SALL1: variants seen among roughly 807,000 people sequenced by gnomAD.
The protein encoded by SALL1 is sal-like protein 1.
A neutral mutation model predicts 73.1 loss-of-function variants in SALL1; 10 were observed. The ratio of observed to expected loss-of-function variants is 0.14; its 90% CI spans 0.08 to 0.23. The LOEUF (loss-of-function observed/expected upper bound fraction) is 0.23, where lower values mean the gene tolerates loss of function less well. Ranked by LOEUF, SALL1 falls within the 10% of genes least tolerant of loss-of-function variation. The pLI is 1.00. For missense variants in SALL1, 1,520 were observed against 1,697.3 expected (o/e 0.90, Z 1.84); for synonymous variants, 688 against 689.8 (o/e 1.00, Z 0.04).
At chr16:51,143,058 T>A (rs1962468243) in intron 1 of SALL1, 1 of 155,908 alleles carries the variant, frequency 6.4e-6, no homozygotes, top group African/African-American at 2.4e-5. Context: ...TCAAGAAGGA[T>A]GTGCAGTTGA....
chr16:51,147,817 A>ACACACACACACACC (rs1962541875), intron 1 of SALL1, among the ~76,000 whole-genome samples: 1 of 152,012 alleles, frequency 6.6e-6, no homozygotes, highest in Non-Finnish European at 1.5e-5. Flanking sequence ...ACATGCACAC[A>ACACACACACACACC]TGCACTTACG....
rs760638036 is a variant in SALL1 at position 51,140,082 on chromosome 16, C to G, written c.2140G>C (p.Val714Leu). The G allele has an allele frequency of 6.2e-7, 1 of 1,614,230 alleles. No homozygotes were observed. Among genetic ancestry groups the G allele is most frequent in the Admixed American group, 1.7e-5 (1 of 60,030 alleles). ...DPNECIICHR[V>L]LSCQSALKMH... Reference sequence around the variant, plus strand: ...TTCAAGGCGCTCTGGCAGCTGAGAACCCGGTGGCAGATGATGCACTCATTG... The same window carrying G: ...TTCAAGGCGCTCTGGCAGCTGAGAAGCCGGTGGCAGATGATGCACTCATTG... The change falls in exon 2 of 3, where the codon GTT becomes CTT. Residue 714 changes from valine to leucine, a missense_variant. Physicochemically the swap from Val to Leu is conservative, Grantham distance 32 (BLOSUM62 1). This residue lies in a region of SALL1 where 77 missense variants were observed against 117.2 expected (regional missense o/e 0.66). Coordinates refer to ENST00000251020, the MANE Select transcript of SALL1 (RefSeq NM_002968.3). The surrounding 1 kb of genome is among the most constrained non-coding windows in gnomAD (Gnocchi z 5.7).
At position 51,141,169 on chromosome 16, in the gene SALL1, C is replaced by G; in HGVS notation, c.1053G>C (p.Pro351=). 1 of 1,614,164 alleles carries G rather than the reference C, an allele frequency of 6.2e-7. No homozygotes were observed. Among genetic ancestry groups the G allele is most frequent in the Non-Finnish European group, 8.5e-7 (1 of 1,180,034 alleles). ...CACTTGAAGCCACTTTTTCAGAGGACGGGGTGGTAACTGCCGCTGCCAATA... is the reference window on the plus strand; with the variant it reads ...CACTTGAAGCCACTTTTTCAGAGGAGGGGGTGGTAACTGCCGCTGCCAATA... ...MNILAAAVTT[P]SSEKVASSAG... is the part of the protein sequence containing the mutation. The change falls in exon 2 of 3, where the codon CCG becomes CCC. Residue 351 remains proline, a synonymous_variant. Coordinates refer to ENST00000251020, the MANE Select transcript of SALL1 (RefSeq NM_002968.3). The surrounding 1 kb of genome is among the most constrained non-coding windows in gnomAD (Gnocchi z 5.4).
chr16:51,147,514 T>C lies in SALL1; in HGVS notation c.76+3652A>G, dbSNP rs980745382. Among the ~76,000 whole-genome samples, 5 of 152,180 alleles carry C rather than the reference T, an allele frequency of 3.3e-5. No homozygotes were observed. In the South Asian group the frequency reaches 6.2e-4, roughly 19 times the overall value. On this transcript the variant is annotated intron_variant, in intron 1 of 2. Coordinates refer to ENST00000251020, the MANE Select transcript of SALL1 (RefSeq NM_002968.3). The stretch of plus-strand genomic sequence containing the variant: ...CCTTTTGGGCCCAGAGATCAATGTG[T>C]TGCTATGAAGCTGCTCAAAATGAGC...
At chr16:51,151,908 G>GGGGAGGGAGTCCCGCGGC (rs1962623601), upstream of SALL1, among the ~76,000 whole-genome samples, 1 of 151,782 alleles carries the variant, frequency 6.6e-6, no homozygotes, top group African/African-American at 2.4e-5. Context: ...CGGCCCGCGG[G>GGGGAGGGAGTCCCGCGGC]GGGAGGGAGT....
chr16:51,143,941 G>T (rs1962480339), intron 1 of SALL1, among the ~76,000 whole-genome samples: 1 of 152,146 alleles, frequency 6.6e-6, no homozygotes, highest in African/African-American at 2.4e-5. Context: ...TACCAATAAT[G>T]ATTTGGTTTT....
rs372297077 is a variant in SALL1 at position 51,141,481 on chromosome 16, G to A, written c.741C>T (p.Ile247=). Reference sequence around the variant, plus strand: ...GCAATATTTGGTGACGAATCTGTTCGATCAATTGCAGCTGGTGGATCTGCT... The same window carrying A: ...GCAATATTTGGTGACGAATCTGTTCAATCAATTGCAGCTGGTGGATCTGCT... ...QQQQIHQLQL[I]EQIRHQILLL... The change falls in exon 2 of 3, where the codon ATC becomes ATT. Residue 247 remains isoleucine, a synonymous_variant. Coordinates refer to ENST00000251020, the MANE Select transcript of SALL1 (RefSeq NM_002968.3). This position sits in a 1 kb window ranked among gnomAD's most constrained non-coding sequence, Gnocchi z 5.4. 23 of 1,613,996 alleles carry A rather than the reference G, an allele frequency of 1.4e-5. No individual in the cohort carries two copies. Among genetic ancestry groups the A allele is most frequent in the African/African-American group, 5.3e-5 (4 of 74,926 alleles).
Position 51,140,701 on chromosome 16 carries a change from C to G in SALL1, c.1521G>C (p.Gln507His), listed in dbSNP as rs1962408306. The G allele has an allele frequency of 1.9e-6, 3 of 1,614,112 alleles. No homozygotes were observed. The highest frequency in any genetic ancestry group is 3.3e-4 in the Middle Eastern group (2 of 6,062). Reference sequence around the variant, plus strand: ...GCTCAGGCACAGGATAGGGGTTCATCTGGATATGAGGGTATTTCTCTTTGT... The same window carrying G: ...GCTCAGGCACAGGATAGGGGTTCATGTGGATATGAGGGTATTTCTCTTTGT... Reference protein sequence around the residue: ...QRHKEKYPHIQMNPYPVPEHL... With the variant: ...QRHKEKYPHIHMNPYPVPEHL... The change falls in exon 2 of 3, where the codon CAG becomes CAC. Residue 507 changes from glutamine (Q) to histidine (H), a missense_variant. Transcript: ENST00000251020. The surrounding 1 kb of genome is among the most constrained non-coding windows in gnomAD (Gnocchi z 5.7).
At chr16:51,146,755 A>C (rs1012431737) in intron 1 of SALL1, among the ~76,000 whole-genome samples, 1 of 152,206 alleles carries the variant, frequency 6.6e-6, no homozygotes, top group Non-Finnish European at 1.5e-5. Flanking sequence ...GAGGCTAGCA[A>C]AGGTTAAAAC....
intron 1 of SALL1, among the ~76,000 whole-genome samples, 194 bp from the exon 2 acceptor site, chr16:51,142,339 G>A (rs554842725): frequency 6.6e-6 from 1 of 152,018 alleles, no homozygotes; most frequent in Non-Finnish European, 1.5e-5. Flanking sequence ...CTATCCATCC[G>A]GTATTTCAGA....
At position 51,139,269 on chromosome 16, in the gene SALL1, A is replaced by C. The variant is rs751683697; in HGVS notation, c.2953T>G (p.Ser985Ala). ...SHAEKIIKED[S>A]LGILFPFRDR... is the part of the protein sequence containing the mutation. The stretch of plus-strand genomic sequence containing the variant: ...CTAAAAGGGAAGAGGATCCCCAAAG[A>C]ATCTTCTTTGATGATTTTCTCTGCG... Residue 985 changes from serine to alanine, a missense_variant, in exon 2 of 3, where the codon TCT (serine) becomes GCT (alanine). Physicochemically the swap from Ser to Ala is moderately conservative, Grantham distance 99 (BLOSUM62 1). Around this residue, in one of 7 missense-constraint regions of SALL1, gnomAD observed 266 missense variants for 275.1 expected, o/e 0.97. Transcript: ENST00000251020. The C allele has an allele frequency of 1.9e-6, 3 of 1,614,028 alleles. No individual in the cohort carries two copies. Among genetic ancestry groups the C allele is most frequent in the Admixed American group, 1.7e-5 (1 of 60,012 alleles).
At chr16:51,144,935 T>G (rs549580302) in intron 1 of SALL1, among the ~76,000 whole-genome samples, 5 of 152,148 alleles carry the variant, frequency 3.3e-5, no homozygotes, top group African/African-American at 9.6e-5. Flanking sequence ...CACTGTAGAG[T>G]GAACTAATTT....
At chr16:51,143,416 G>GGA (rs1555475607) in intron 1 of SALL1, 8 of 247,874 alleles carry the variant, frequency 3.2e-5, no homozygotes, top group Non-Finnish European at 6.0e-5. Flanking sequence ...AGGCTGTGAA[G>GGA]AAAAAAAAAA....
chr16:51,139,719 C>T lies in SALL1; in HGVS notation c.2503G>A (p.Gly835Ser). Residue 835 changes from glycine to serine, a missense_variant, in exon 2 of 3, where the codon GGC (glycine) becomes AGC (serine). By Grantham distance (56) the Gly-to-Ser change is moderately conservative. Transcript: ENST00000251020. The stretch of plus-strand genomic sequence containing the variant: ...GACTTAGGTGTATCAGGGATGCTGC[C>T]CTCAGGACAGTCTTCCATGTTTTCA... ...SDENMEDCPE[G>S]SIPDTPKSAD... 1 of 1,614,178 alleles carries T rather than the reference C, an allele frequency of 6.2e-7. No homozygotes were observed.
chr16:51,139,455 T>C lies in SALL1; in HGVS notation c.2767A>G (p.Thr923Ala), dbSNP rs761048130. The change falls in exon 2 of 3, where the codon ACC becomes GCC. Residue 923 changes from threonine to alanine, a missense_variant. Physicochemically the swap from Thr to Ala is moderately conservative, Grantham distance 58. Coordinates refer to ENST00000251020, the MANE Select transcript of SALL1 (RefSeq NM_002968.3). The part of the protein sequence containing the change: ...SAGSPAISES[T>A]SSMQALSPSN... ...GGGGACAGAGCCTGCATGGAAGAGG[T>C]AGACTCTGAGATGGCTGGGCTGCCA... 5.6e-6 allele frequency: 9 copies of C among 1,614,092 alleles called. No homozygotes were observed. Among genetic ancestry groups the C allele is most frequent in the Non-Finnish European group, 7.6e-6 (9 of 1,180,028 alleles).
In SALL1 at chr16:51,142,071, C is replaced by T. The variant is rs1047565580; in HGVS notation, c.151G>A (p.Glu51Lys). 21 of 1,613,790 alleles carry T rather than the reference C, an allele frequency of 1.3e-5. No individual in the cohort carries two copies. The highest frequency in any genetic ancestry group is 5.3e-5 in the African/African-American group (4 of 74,874). ...AGAAGATCTGATAATTCAAAGAACT[C>T]GGCACAGCACCGGCCACAGACGTGG... ...DAHVCGRCCA[E>K]FFELSDLLLH... Residue 51 changes from glutamate (E) to lysine (K), a missense_variant, in exon 2 of 3, where the codon GAG (glutamate) becomes AAG (lysine). Coordinates refer to ENST00000251020, the MANE Select transcript of SALL1 (RefSeq NM_002968.3).
chr16:51,150,700 C>A, intron 1 of SALL1: 1 of 551,118 alleles, frequency 1.8e-6, no homozygotes, highest in Non-Finnish European at 2.3e-6. Flanking sequence ...CCGAAGTAAA[C>A]TTCCTTACCG....
chr16:51,136,842 C>CTCTAGTCAATTTG lies in SALL1; in HGVS notation c.*269_*270insCAAATTGACTAGA. On this transcript the variant is annotated 3_prime_UTR_variant, in exon 3 of 3. Coordinates refer to ENST00000251020, the MANE Select transcript of SALL1 (RefSeq NM_002968.3). ...TAAATGTTACAGCAAGTTTACAGCA[C>CTCTAGTCAATTTG]TCTAGTCAATTAGTATTTAGTCCAA... 1 of 475,668 alleles carries CTCTAGTCAATTTG rather than the reference C, an allele frequency of 2.1e-6. No individual in the cohort carries two copies. The highest frequency in any genetic ancestry group is 2.4e-5 in the South Asian group (1 of 41,494). 29.5% of individuals were successfully genotyped at this position (475,668 alleles called of 1,614,324 possible). A position where few individuals can be genotyped will look rare whatever the true frequency, so the allele number is the denominator to read the frequency against.
Position 51,139,247 on chromosome 16 carries a change from A to G in SALL1, c.2975T>C (p.Phe992Ser). The change falls in exon 2 of 3, where the codon TTT (phenylalanine) becomes TCT (serine). Residue 992 changes from phenylalanine (F) to serine (S), a missense_variant. Physicochemically the swap from Phe to Ser is radical, Grantham distance 155. Transcript: ENST00000251020. ...KEDSLGILFP[F>S]RDRGKFKNTA... The stretch of plus-strand genomic sequence containing the variant: ...GTTTTTAAATTTACCCCGGTCTCTA[A>G]AAGGGAAGAGGATCCCCAAAGAATC... 6.2e-7 allele frequency: 1 copy of G among 1,614,190 alleles called. No homozygotes were observed. The highest frequency in any genetic ancestry group is 8.5e-7 in the Non-Finnish European group (1 of 1,180,042).
Sources: gnomAD v4.1 joint callset for allele counts (sites outside exome capture counted in the v4.1 genomes callset) on GRCh38, gnomAD v4.1.1 for gene constraint, gnomAD v4.1.1 regional missense constraint, Gnocchi (gnomAD v3.1) non-coding constraint, MANE v1.5 for transcripts, NCBI Gene and HGNC (gene_info 2026-07-23, HGNC 2026-07-21) for gene names.